The following CCDC138 variants were observed in gnomAD, a reference collection of about 807,000 sequenced individuals.
CCDC138 encodes coiled-coil domain-containing protein 138.
CCDC138 carries 66 observed loss-of-function variants against 82.3 expected under a neutral mutation model. The ratio of observed to expected loss-of-function variants is 0.80; its 90% CI spans 0.66 to 0.98. The LOEUF is 0.98. Among genes scored for constraint, CCDC138 ranks in the 50% least tolerant of loss-of-function variants. CCDC138 has a pLI of 0.00. For synonymous variants in CCDC138, 297 were observed against 265.4 expected (o/e 1.12, Z -1.16); for missense variants, 816 against 758.9 (o/e 1.08, Z -0.88).
At chr2:108,811,071 T>G (rs1396955163) in intron 7 of CCDC138, among the ~76,000 whole-genome samples, 1 of 149,082 alleles carries the variant, frequency 6.7e-6, no homozygotes, top group African/African-American at 2.5e-5. Flanking sequence ...CGATTTTATC[T>G]GTTTGGGTCT....
intron 10 of CCDC138, 166 bp from the exon 11 acceptor site, chr2:108,839,019 T>A (rs1689025862): frequency 4.0e-6 from 1 of 253,138 alleles, no homozygotes; most frequent in Non-Finnish European, 6.2e-6. Flanking sequence ...CTAAAATACA[T>A]ATTGCCAAAT....
At chr2:108,803,445 T>C (rs563465583) in intron 6 of CCDC138, among the ~76,000 whole-genome samples, 2 of 152,320 alleles carry the variant, frequency 1.3e-5, no homozygotes, top group African/African-American at 4.8e-5. Context: ...AAAAAAATTT[T>C]TTTTTAATTG....
chr2:108,811,504 A>G (rs1392151448), intron 7 of CCDC138, among the ~76,000 whole-genome samples: 1 of 151,722 alleles, frequency 6.6e-6, no homozygotes, highest in African/African-American at 2.4e-5. Context: ...CACCCTCCCA[A>G]AGTGCTGGGA....
intron 7 of CCDC138, among the ~76,000 whole-genome samples, chr2:108,805,224 A>G (rs1348384043): frequency 1.3e-5 from 2 of 152,164 alleles, no homozygotes; most frequent in East Asian, 1.9e-4. Flanking sequence ...CTGACAAACA[A>G]AAGAAAAAAA....
chr2:108,883,702 G>C (rs1409155419), intron 2 of CCDC138: 1 of 152,268 alleles, frequency 6.6e-6, no homozygotes, highest in African/African-American at 2.4e-5. Flanking sequence ...GGCCAGTGGG[G>C]GTTGCCATCA....
At chr2:108,857,327 C>T (rs1325332026) in intron 13 of CCDC138, among the ~76,000 whole-genome samples, 1 of 152,034 alleles carries the variant, frequency 6.6e-6, no homozygotes, top group African/African-American at 2.4e-5. Context: ...CCTCGGCCTC[C>T]CAAAGCACTG....
chr2:108,801,072 A>G (rs1681885053), intron 6 of CCDC138, among the ~76,000 whole-genome samples: 1 of 42,452 alleles, frequency 2.4e-5, no homozygotes, highest in African/African-American at 7.1e-5. Context: ...ATTGTGAATA[A>G]TGCCACAATA....
At chr2:108,856,724 T>C (rs890427865) in intron 12 of CCDC138, 70 bp from the exon 13 acceptor site, 2 of 1,444,996 alleles carry the variant, frequency 1.4e-6, no homozygotes, top group African/African-American at 2.9e-5. Flanking sequence ...ACATTGCTTT[T>C]TTACCTTCTG....
At chr2:108,835,493 T>C (rs1290802255) in intron 10 of CCDC138, among the ~76,000 whole-genome samples, 1 of 152,194 alleles carries the variant, frequency 6.6e-6, no homozygotes, top group African/African-American at 2.4e-5. Flanking sequence ...AACAGCGATA[T>C]GATAACACAT....
intron 13 of CCDC138, among the ~76,000 whole-genome samples, chr2:108,872,890 A>G (rs1558770700): frequency 6.6e-6 from 1 of 152,196 alleles, no homozygotes; most frequent in Non-Finnish European, 1.5e-5. Context: ...CACAAGTCTT[A>G]ACTTGTAATA....
chr2:108,798,695 T>A, intron 6 of CCDC138, 109 bp downstream of exon 6: 1 of 705,652 alleles, frequency 1.4e-6, no homozygotes, highest in South Asian at 1.9e-5. Context: ...CCCTTCCTCC[T>A]CCTCTCCACG....
At chr2:108,823,876 C>T (rs1686123309) in intron 10 of CCDC138, among the ~76,000 whole-genome samples, 1 of 151,952 alleles carries the variant, frequency 6.6e-6, no homozygotes, top group Non-Finnish European at 1.5e-5. Context: ...ACTCGGGATG[C>T]TGAGGCAAGA....
In CCDC138 at chr2:108,786,843, G is replaced by C. The variant is rs750585962; in HGVS notation, c.21G>C (p.Lys7Asn). The C allele has an allele frequency of 3.8e-6, 6 of 1,592,934 alleles. No individual in the cohort carries two copies. The South Asian group carries it at 6.9e-5, about 18-fold the overall frequency. Residue 7 changes from lysine to asparagine, a missense_variant, in exon 1 of 15, where the codon AAG (lysine) becomes AAC (asparagine). Lys to Asn is a moderately conservative substitution (Grantham distance 94). Coordinates refer to ENST00000295124, the MANE Select transcript of CCDC138 (RefSeq NM_144978.3). MEPRVVKPPGQDLVVES... is the reference protein window; with the variant it reads MEPRVVNPPGQDLVVES... ...GTGCTATGGAGCCGAGGGTCGTCAAGCCACCGGGGCAGGATTTAGTAGTGG... is the reference window on the plus strand; with the variant it reads ...GTGCTATGGAGCCGAGGGTCGTCAACCCACCGGGGCAGGATTTAGTAGTGG...
At chr2:108,880,749 A>AT (rs1696268309), downstream of CCDC138, among the ~76,000 whole-genome samples, 2 of 152,172 alleles carry the variant, frequency 1.3e-5, no homozygotes, top group South Asian at 2.1e-4. Context: ...TACTGCTCAG[A>AT]TAAAAAAAAG....
chr2:108,788,121 C>T, intron 2 of CCDC138, 32 bp downstream of exon 2: 1 of 1,589,192 alleles, frequency 6.3e-7, no homozygotes, highest in Non-Finnish European at 8.5e-7. Flanking sequence ...TTGGGGGTTT[C>T]AAAAATTTAA....
intron 10 of CCDC138, among the ~76,000 whole-genome samples, chr2:108,831,837 A>T (rs528151077): frequency 6.7e-6 from 1 of 148,458 alleles, no homozygotes; most frequent in African/African-American, 2.5e-5. Context: ...GGTTCAAGCG[A>T]TTCTCCTGCC....
At chr2:108,820,198 A>G (rs1226989768) in intron 10 of CCDC138, among the ~76,000 whole-genome samples, 2 of 152,206 alleles carry the variant, frequency 1.3e-5, no homozygotes, top group African/African-American at 2.4e-5. Context: ...ACTTGAAGCC[A>G]GGTGTTCAAG....
At chr2:108,804,185 G>T (rs541745445) in intron 6 of CCDC138, among the ~76,000 whole-genome samples, 119 of 152,076 alleles carry the variant, frequency 7.8e-4, no homozygotes, top group Admixed American at 2.0e-3. Flanking sequence ...TCAATTTTTT[G>T]ATTTCCTGTA....
chr2:108,787,047 G>T (rs961788573), intron 1 of CCDC138, 132 bp downstream of exon 1: 2 of 479,920 alleles, frequency 4.2e-6, no homozygotes, highest in Admixed American at 4.7e-5. Flanking sequence ...CGTGGCTGCG[G>T]CTTGGGCCTC....
Sources: allele counts gnomAD v4.1 joint callset (sites outside exome capture counted in the v4.1 genomes callset), GRCh38; gene constraint gnomAD v4.1.1; transcripts MANE v1.5; gene names NCBI Gene and HGNC (gene_info 2026-07-23, HGNC 2026-07-21).